Variants in VPS35L observed in about 807,000 individuals in gnomAD.
VPS35L encodes VPS35 endosomal protein-sorting factor-like.
In VPS35L, 83 loss-of-function variants were observed where a neutral mutation model predicts 133.0. The ratio of observed to expected loss-of-function variants is 0.62; its 90% CI spans 0.52 to 0.75. The LOEUF (loss-of-function observed/expected upper bound fraction) is 0.75. Among genes scored for constraint, VPS35L ranks in the 30% least tolerant of loss-of-function variants. VPS35L has a pLI of 0.00. For synonymous variants in VPS35L, 423 were observed against 449.9 expected (o/e 0.94, Z 0.76); for missense variants, 1,083 against 1,206.8 (o/e 0.90, Z 1.52).
chr16:19,568,310 T>C (rs1430482644), intron 2 of VPS35L, among the ~76,000 whole-genome samples: 1 of 151,790 alleles, frequency 6.6e-6, no homozygotes, highest in African/African-American at 2.4e-5. Flanking sequence ...CCCCCCCTTT[T>C]TTTTTTTTGA....
chr16:19,569,171 C>G, intron 2 of VPS35L: 1 of 649,356 alleles, frequency 1.5e-6, no homozygotes, highest in South Asian at 1.5e-5. Flanking sequence ...GTAGCCATCT[C>G]AGTCCAGTGA....
chr16:19,584,932 A>T (rs1339064345), intron 7 of VPS35L, among the ~76,000 whole-genome samples: 1 of 152,142 alleles, frequency 6.6e-6, no homozygotes, highest in Non-Finnish European at 1.5e-5. Context: ...AGTGATGCTG[A>T]GCATATTTTC....
intron 26 of VPS35L, among the ~76,000 whole-genome samples, chr16:19,660,691 G>C (rs1219995033): frequency 1.3e-5 from 2 of 152,118 alleles, no homozygotes; most frequent in Non-Finnish European, 2.9e-5. Flanking sequence ...ATTTACTCTT[G>C]TAGGTCCTAG....
Position 19,691,380 on chromosome 16 carries a change from G to C in VPS35L, c.2555G>C (p.Gly852Ala), listed in dbSNP as rs138740165. The C allele has an allele frequency of 4.3e-6, 7 of 1,613,736 alleles. No homozygotes were observed. Among genetic ancestry groups the C allele is most frequent in the Non-Finnish European group, 5.9e-6 (7 of 1,179,812 alleles). ...KVDSNDSLYG[G>A]DSKFLAENNK... ...GACTCCAACGACAGCCTCTACGGGG[G>C]AGACTCCAAGTTCCTGGCAGAAAAC... is the stretch of plus-strand genomic sequence containing the variant. The change falls in exon 29 of 31, where the codon GGA becomes GCA. Residue 852 changes from glycine to alanine, a missense_variant. Coordinates refer to ENST00000417362, the MANE Select transcript of VPS35L (RefSeq NM_020314.7).
intron 26 of VPS35L, among the ~76,000 whole-genome samples, chr16:19,667,967 T>C (rs1287571705): frequency 6.6e-6 from 1 of 151,324 alleles, no homozygotes; most frequent in African/African-American, 2.5e-5. Flanking sequence ...AGAGCTAACT[T>C]GACTCAGAAA....
In VPS35L at chr16:19,610,221, C is replaced by G. The variant is rs1360083963; in HGVS notation, c.930-101C>G. 1.4e-5 allele frequency: 14 copies of G among 983,740 alleles called. No homozygotes were observed. In the South Asian group the frequency reaches 2.1e-4, roughly 15 times the overall value. The allele number at this position is 983,740 out of a possible 1,614,324, so 60.9% of individuals were successfully genotyped here. A position where few individuals can be genotyped will look rare whatever the true frequency, so the allele number is the denominator to read the frequency against. On this transcript the variant is annotated intron_variant, in intron 11 of 30. Transcript: ENST00000417362. Reference sequence around the variant, plus strand: ...TGTTACTGAAACTTGATTTTTCCCCCCCTCCCTGAAATTTAGGAAGTCTTT... The same window carrying G: ...TGTTACTGAAACTTGATTTTTCCCCGCCTCCCTGAAATTTAGGAAGTCTTT...
chr16:19,691,602 C>T, intron 29 of VPS35L, 131 bp downstream of exon 29: 1 of 673,144 alleles, frequency 1.5e-6, no homozygotes, highest in Non-Finnish European at 2.6e-6. Context: ...CAAACCACTT[C>T]TCCATTGCTT....
rs201495973 is a variant in VPS35L, at chr16:19,577,642, GC to G, written c.434-1406del. Reference sequence around the variant, plus strand: ...TGTTTGTGCCTAACCCCACTCCCCTGCCCCGATTCATATGTTGAAATCCTAA... The same window carrying G: ...TGTTTGTGCCTAACCCCACTCCCCTGCCCGATTCATATGTTGAAATCCTAA... On this transcript the variant is annotated intron_variant, in intron 5 of 30. Coordinates refer to ENST00000417362, the MANE Select transcript of VPS35L (RefSeq NM_020314.7). 1.8e-4 allele frequency among the ~76,000 whole-genome samples: 27 copies of G among 152,182 alleles called. No homozygotes were observed. In the East Asian group the frequency reaches 5.0e-3, roughly 28 times the overall value.
intron 27 of VPS35L, among the ~76,000 whole-genome samples, chr16:19,679,480 T>A (rs1330702689): frequency 0.015 from 1,738 of 114,148 alleles, 43 homozygotes; most frequent in African/African-American, 0.078. Flanking sequence ...TATTTATTTA[T>A]TTATTTATTT....
At chr16:19,627,368 T>C (rs1043010923) in intron 15 of VPS35L, among the ~76,000 whole-genome samples, 4 of 152,210 alleles carry the variant, frequency 2.6e-5, no homozygotes, top group Non-Finnish European at 5.9e-5. Context: ...TACTTAATGT[T>C]CTGTCTCATT....
chr16:19,601,669 C>G lies in VPS35L; in HGVS notation c.730C>G (p.Leu244Val), dbSNP rs1597348001. Residue 244 changes from leucine to valine, a missense_variant, in exon 9 of 31, where the codon CTC becomes GTC. Coordinates refer to ENST00000417362, the MANE Select transcript of VPS35L (RefSeq NM_020314.7). ...ATCTGTCCTTTTCCTCCCAGGAAAG[C>G]TCGTGTACGAGCGCATCTTTTCCAT... is the stretch of plus-strand genomic sequence containing the variant. Reference protein sequence around the residue: ...ITDILDTFGKLVYERIFSMCV... With the variant: ...ITDILDTFGKVVYERIFSMCV... 1.2e-6 allele frequency: 2 copies of G among 1,614,048 alleles called. No homozygotes were observed. Among genetic ancestry groups the G allele is most frequent in the Non-Finnish European group, 1.7e-6 (2 of 1,179,986 alleles).
intron 18 of VPS35L, among the ~76,000 whole-genome samples, chr16:19,631,194 G>A (rs956717640): frequency 1.3e-5 from 2 of 152,024 alleles, no homozygotes; most frequent in Non-Finnish European, 2.9e-5. Context: ...CAAGCTTCCT[G>A]GTTTATGGTA....
intron 17 of VPS35L, among the ~76,000 whole-genome samples, chr16:19,629,061 C>T (rs938115320): frequency 6.6e-5 from 10 of 152,192 alleles, no homozygotes; most frequent in African/African-American, 9.7e-5. Context: ...CAGGCGTGAG[C>T]CACTTTGCCC....
chr16:19,653,248 G>A (rs1038888813), intron 26 of VPS35L, among the ~76,000 whole-genome samples: 7 of 152,314 alleles, frequency 4.6e-5, no homozygotes, highest in East Asian at 1.9e-4. Context: ...GGACACCCTG[G>A]TTACCTACTG....
At chr16:19,596,972 T>A (rs1056856047) in intron 8 of VPS35L, among the ~76,000 whole-genome samples, 11 of 151,650 alleles carry the variant, frequency 7.3e-5, no homozygotes, top group Non-Finnish European at 5.9e-5. Flanking sequence ...TGAACTGAGA[T>A]CAAGCCACTG....
At chr16:19,634,752 G>A (rs1350875920) in intron 19 of VPS35L, among the ~76,000 whole-genome samples, 1 of 152,174 alleles carries the variant, frequency 6.6e-6, no homozygotes, top group Non-Finnish European at 1.5e-5. Flanking sequence ...CATGCATTGA[G>A]GAGGAGAGAG....
chr16:19,586,401 A>G (rs965438909), intron 7 of VPS35L, among the ~76,000 whole-genome samples: 8 of 152,102 alleles, frequency 5.3e-5, no homozygotes, highest in Admixed American at 4.6e-4. Flanking sequence ...GTGCAGTGGC[A>G]TGATCTCAGC....
At chr16:19,641,888 A>ATG (rs1390506420) in intron 21 of VPS35L, among the ~76,000 whole-genome samples, 16 of 152,182 alleles carry the variant, frequency 1.1e-4, no homozygotes, top group African/African-American at 3.9e-4. Context: ...AGAAGTTATC[A>ATG]TGTGTATAGA....
chr16:19,698,753 C>T (rs1350429638), intron 29 of VPS35L, among the ~76,000 whole-genome samples: 1 of 152,158 alleles, frequency 6.6e-6, no homozygotes, highest in Non-Finnish European at 1.5e-5. Flanking sequence ...CCATGGGCTT[C>T]CTGAACAGCA....
Sources: allele counts gnomAD v4.1 joint callset (sites outside exome capture counted in the v4.1 genomes callset), GRCh38; gene constraint gnomAD v4.1.1; transcripts MANE v1.5; gene names NCBI Gene and HGNC (gene_info 2026-07-23, HGNC 2026-07-21).